KCTD8: variants seen among roughly 807,000 people sequenced by gnomAD.
KCTD8 encodes the protein potassium channel tetramerization domain containing 8.
Under a neutral mutation model 31.5 loss-of-function variants are expected in KCTD8, and 27 were observed. That is an observed-to-expected ratio of 0.86 (90% CI 0.63 to 1.18). The LOEUF (loss-of-function observed/expected upper bound fraction) is 1.18. Among genes scored for constraint, KCTD8 ranks in the 50% most tolerant of loss-of-function variants. The probability of loss-of-function intolerance (pLI) is 0.00; values close to 1 mark genes in which losing one functional copy is unlikely to be tolerated. For synonymous variants in KCTD8, 290 were observed against 280.0 expected (o/e 1.04, Z -0.36); for missense variants, 658 against 647.7 (o/e 1.02, Z -0.17).
intron 1 of KCTD8, among the ~76,000 whole-genome samples, chr4:44,435,966 C>G (rs1189363528): frequency 6.6e-6 from 1 of 152,178 alleles, no homozygotes; most frequent in South Asian, 2.1e-4. Context: ...GTTCTTCCAG[C>G]TAATAAATAT....
At chr4:44,341,833 T>C (rs1718905975) in intron 1 of KCTD8, among the ~76,000 whole-genome samples, 1 of 152,192 alleles carries the variant, frequency 6.6e-6, no homozygotes, top group Non-Finnish European at 1.5e-5. Flanking sequence ...CAAATGTTCT[T>C]TATGGCATCT....
intron 1 of KCTD8, among the ~76,000 whole-genome samples, chr4:44,176,271 T>G (rs922011174): frequency 2.0e-5 from 3 of 152,192 alleles, no homozygotes; most frequent in African/African-American, 7.2e-5. Flanking sequence ...GGTTCTATTG[T>G]GCAGCCAGAG....
At chr4:44,300,654 T>C (rs1490123798) in intron 1 of KCTD8, among the ~76,000 whole-genome samples, 2 of 151,694 alleles carry the variant, frequency 1.3e-5, no homozygotes, top group South Asian at 2.1e-4. Context: ...AATAAACTTA[T>C]GGTATGTTTT....
intron 1 of KCTD8, among the ~76,000 whole-genome samples, chr4:44,363,740 AG>A (rs1719560188): frequency 6.6e-6 from 1 of 152,152 alleles, no homozygotes; most frequent in South Asian, 2.1e-4. Context: ...TAGACTACTC[AG>A]ATAGCTAAAC....
At chr4:44,332,530 T>C (rs1343771270) in intron 1 of KCTD8, among the ~76,000 whole-genome samples, 1 of 152,026 alleles carries the variant, frequency 6.6e-6, no homozygotes, top group Non-Finnish European at 1.5e-5. Context: ...TTTCAATAAC[T>C]AGTTGTTGAC....
intron 1 of KCTD8, among the ~76,000 whole-genome samples, chr4:44,306,365 TAAC>T (rs1034807559): frequency 1.3e-5 from 2 of 152,032 alleles, no homozygotes; most frequent in Non-Finnish European, 2.9e-5. Flanking sequence ...TTAAATGACT[TAAC>T]AAAGTTCACA....
chr4:44,412,187 C>G (rs1174206200), intron 1 of KCTD8, among the ~76,000 whole-genome samples: 2 of 152,148 alleles, frequency 1.3e-5, no homozygotes, highest in Non-Finnish European at 2.9e-5. Flanking sequence ...AACCAACAAA[C>G]TAATCCACAG....
intron 1 of KCTD8, among the ~76,000 whole-genome samples, chr4:44,176,860 CATCTATCTATCTATCT>C (rs58202328): frequency 1.3e-5 from 2 of 148,360 alleles, no homozygotes; most frequent in East Asian, 2.0e-4. Context: ...TATATGTCTA[CATCTATCTATCTATCT>C]ATCTATCTAT....
chr4:44,235,208 T>A (rs973339465), intron 1 of KCTD8, among the ~76,000 whole-genome samples: 7 of 144,958 alleles, frequency 4.8e-5, no homozygotes, highest in East Asian at 2.0e-4. Context: ...TTTTTTTTTT[T>A]ATAGACAATA....
intron 1 of KCTD8, among the ~76,000 whole-genome samples, chr4:44,262,742 A>G (rs1233882683): frequency 6.6e-6 from 1 of 152,172 alleles, no homozygotes; most frequent in Non-Finnish European, 1.5e-5. Context: ...GTTTTAAAAA[A>G]TATTTAATTA....
intron 1 of KCTD8, among the ~76,000 whole-genome samples, chr4:44,324,130 G>C (rs1055165561): frequency 1.5e-4 from 23 of 150,742 alleles, no homozygotes; most frequent in Admixed American, 7.2e-4. Context: ...TACAGAGTTA[G>C]AGCAAATAGA....
chr4:44,381,055 T>C (rs1276781727), intron 1 of KCTD8, among the ~76,000 whole-genome samples: 2 of 152,070 alleles, frequency 1.3e-5, no homozygotes, highest in Non-Finnish European at 2.9e-5. Context: ...TCACTTTTAA[T>C]AGCCCCATTA....
At chr4:44,183,548 GA>G (rs1287135636) in intron 1 of KCTD8, among the ~76,000 whole-genome samples, 1 of 152,080 alleles carries the variant, frequency 6.6e-6, no homozygotes, top group Non-Finnish European at 1.5e-5. Flanking sequence ...TATTAAAATA[GA>G]AAAGTGGAAA....
At chr4:44,447,316 A>G (rs1235086349) in intron 1 of KCTD8, among the ~76,000 whole-genome samples, 1 of 152,248 alleles carries the variant, frequency 6.6e-6, no homozygotes, top group Admixed American at 6.5e-5. Flanking sequence ...AAAGTTCAGC[A>G]AGTAGACAGC....
At chr4:44,394,165 A>T (rs1720440027) in intron 1 of KCTD8, among the ~76,000 whole-genome samples, 1 of 152,066 alleles carries the variant, frequency 6.6e-6, no homozygotes, top group Admixed American at 6.6e-5. Context: ...AATGATTCAG[A>T]ACAAAAAATA....
At chr4:44,299,831 C>A (rs1247849679) in intron 1 of KCTD8, among the ~76,000 whole-genome samples, 1 of 148,404 alleles carries the variant, frequency 6.7e-6, no homozygotes, top group African/African-American at 2.5e-5. Context: ...CAGCTCACTG[C>A]AACCTCCGTC....
At chr4:44,292,637 A>G (rs570350880) in intron 1 of KCTD8, among the ~76,000 whole-genome samples, 2 of 152,222 alleles carry the variant, frequency 1.3e-5, no homozygotes, top group Non-Finnish European at 2.9e-5. Flanking sequence ...AGTTGAAATT[A>G]TTTTTGTAAA....
intron 1 of KCTD8, among the ~76,000 whole-genome samples, chr4:44,409,094 T>A (rs903055796): frequency 1.3e-5 from 2 of 151,588 alleles, no homozygotes; most frequent in Non-Finnish European, 2.9e-5. Flanking sequence ...AAATCCAAAA[T>A]TAGCAGGGAG....
chr4:44,317,408 T>G (rs1718167760), intron 1 of KCTD8, among the ~76,000 whole-genome samples: 1 of 142,328 alleles, frequency 7.0e-6, no homozygotes, highest in African/African-American at 2.8e-5. Context: ...CCCGGCTAAT[T>G]TTTTGTATTT....
Sources: gnomAD v4.1 joint callset for allele counts (sites outside exome capture counted in the v4.1 genomes callset) on GRCh38, gnomAD v4.1.1 for gene constraint, MANE v1.5 for transcripts, NCBI Gene and HGNC (gene_info 2026-07-23, HGNC 2026-07-21) for gene names.